The following ROCK1 variants were observed in gnomAD, a reference collection of about 807,000 sequenced individuals.
ROCK1 encodes the protein Rho associated coiled-coil containing protein kinase 1.
In ROCK1, 36 loss-of-function variants were observed where a neutral mutation model predicts 196.8. That is an observed-to-expected ratio of 0.18 (90% confidence interval 0.14 to 0.24). The LOEUF is 0.24. Among genes scored for constraint, ROCK1 ranks in the 10% least tolerant of loss-of-function variants. The pLI, the probability that ROCK1 is intolerant of heterozygous loss-of-function variation, is 1.00. For synonymous variants in ROCK1, 443 were observed against 515.9 expected (o/e 0.86, Z 1.91); for missense variants, 920 against 1,562.0 (o/e 0.59, Z 6.93).
Position 20,992,880 on chromosome 18 carries a change from A to C in ROCK1, c.1943T>G (p.Val648Gly). Residue 648 changes from valine (V) to glycine (G), a missense_variant, in exon 17 of 33, where the codon GTG (valine) becomes GGG (glycine). By Grantham distance (109) the Val-to-Gly change is moderately radical. Around this residue, in one of 6 missense-constraint regions of ROCK1, gnomAD observed 520 missense variants for 657.1 expected, o/e 0.79. Transcript: ENST00000399799. ...VKHLKHNLEK[V>G]EGERKEAQDM... The stretch of plus-strand genomic sequence containing the variant: ...TTGAGCCTCTTTTCTTTCTCCTTCC[A>C]CTTTTTCGAGATTATGTTTGAGATG... The C allele has an allele frequency of 1.9e-6, 3 of 1,612,482 alleles. No homozygotes were observed. The highest frequency in any genetic ancestry group is 2.5e-6 in the Non-Finnish European group (3 of 1,179,100).
intron 12 of ROCK1, among the ~76,000 whole-genome samples, chr18:21,017,087 T>G (rs1327010079): frequency 1.3e-5 from 2 of 152,070 alleles, no homozygotes; most frequent in African/African-American, 2.4e-5. Flanking sequence ...CTGGTTTAGC[T>G]TTCTCTGATC....
intron 19 of ROCK1, among the ~76,000 whole-genome samples, chr18:20,985,852 T>C (rs1242271683): frequency 6.6e-6 from 1 of 152,120 alleles, no homozygotes; most frequent in Non-Finnish European, 1.5e-5. Context: ...ATAGCTCCCA[T>C]GCAAGTTTTA....
Position 20,951,233 on chromosome 18 carries a change from G to A in ROCK1, c.*151C>T. 5.0e-6 allele frequency: 3 copies of A among 596,186 alleles called. No homozygotes were observed. Among genetic ancestry groups the A allele is most frequent in the African/African-American group, 1.9e-5 (1 of 53,594 alleles). 36.9% of individuals were successfully genotyped at this position (596,186 alleles called of 1,614,324 possible). A position where few individuals can be genotyped will look rare whatever the true frequency, so the allele number is the denominator to read the frequency against. On this transcript the variant is annotated 3_prime_UTR_variant, in exon 33 of 33. Transcript: ENST00000399799. ...CAATAAAAAAAACCCTCAGTGTGTT[G>A]TGCCAAAGCAAGGACAGAAAAACAG...
intron 1 of ROCK1, among the ~76,000 whole-genome samples, chr18:21,086,101 T>C (rs1598557910): frequency 7.7e-6 from 1 of 130,192 alleles, no homozygotes. Flanking sequence ...TTAGTAGTAG[T>C]ATGGAAATAA....
At chr18:21,069,312 G>A (rs1383761612) in intron 2 of ROCK1, among the ~76,000 whole-genome samples, 1 of 151,942 alleles carries the variant, frequency 6.6e-6, no homozygotes, top group Non-Finnish European at 1.5e-5. Context: ...CCTTGGTCAT[G>A]ATTTTTACCT....
intron 16 of ROCK1, among the ~76,000 whole-genome samples, chr18:20,995,242 C>G (rs961139010): frequency 6.6e-6 from 1 of 152,130 alleles, no homozygotes; most frequent in African/African-American, 2.4e-5. Flanking sequence ...CTAATTTGAT[C>G]ATTACACATT....
At chr18:21,020,088 G>A (rs1206559989) in intron 12 of ROCK1, 63 bp downstream of exon 12, 1 of 940,502 alleles carries the variant, frequency 1.1e-6, no homozygotes, top group Non-Finnish European at 1.6e-6. Flanking sequence ...CAGGGTATAA[G>A]CTTTCAAGTA....
At chr18:21,071,304 G>T (rs1399418653) in intron 1 of ROCK1, among the ~76,000 whole-genome samples, 6 of 148,876 alleles carry the variant, frequency 4.0e-5, no homozygotes, top group Middle Eastern at 3.2e-3. Context: ...TCAGCCTCTT[G>T]AGTAGCGGGG....
intron 5 of ROCK1, among the ~76,000 whole-genome samples, chr18:21,044,402 A>G (rs1034265305): frequency 1.2e-4 from 19 of 152,130 alleles, no homozygotes; most frequent in African/African-American, 4.6e-4. Flanking sequence ...TCCTTTTTTA[A>G]AAGTTTCATT....
At chr18:20,962,292 C>A (rs546572507) in intron 27 of ROCK1, among the ~76,000 whole-genome samples, 1 of 152,204 alleles carries the variant, frequency 6.6e-6, no homozygotes, top group East Asian at 1.9e-4. Flanking sequence ...GTAGAAATTG[C>A]AGCTCTGGTT....
intron 1 of ROCK1, among the ~76,000 whole-genome samples, chr18:21,078,220 T>C (rs1422178556): frequency 1.3e-5 from 2 of 151,858 alleles, no homozygotes; most frequent in Non-Finnish European, 1.5e-5. Flanking sequence ...TCCCAACCGT[T>C]TGGGGGGCTA....
intron 20 of ROCK1, among the ~76,000 whole-genome samples, chr18:20,983,127 T>C (rs1356543102): frequency 6.6e-6 from 1 of 151,592 alleles, no homozygotes; most frequent in Admixed American, 6.6e-5. Flanking sequence ...ATAAAATTGA[T>C]ACCATATTTT....
At chr18:21,034,480 C>T (rs897234960) in intron 9 of ROCK1, among the ~76,000 whole-genome samples, 1 of 152,092 alleles carries the variant, frequency 6.6e-6, no homozygotes, top group Non-Finnish European at 1.5e-5. Context: ...ACAAAAACCC[C>T]ACAAATAAAC....
chr18:21,001,249 T>C (rs930717755), intron 16 of ROCK1, among the ~76,000 whole-genome samples: 5 of 152,056 alleles, frequency 3.3e-5, no homozygotes, highest in African/African-American at 9.7e-5. Flanking sequence ...AGAAAGGAAA[T>C]TGGTGGTTGC....
At chr18:21,053,480 T>TA (rs990071189) in intron 2 of ROCK1, among the ~76,000 whole-genome samples, 1 of 152,220 alleles carries the variant, frequency 6.6e-6, no homozygotes, top group African/African-American at 2.4e-5. Context: ...TTGCATAATT[T>TA]AAAAAAATGC....
intron 14 of ROCK1, among the ~76,000 whole-genome samples, chr18:21,007,282 CTT>C (rs996121804): frequency 7.9e-5 from 12 of 152,240 alleles, no homozygotes; most frequent in African/African-American, 2.6e-4. Context: ...GACAAGTACT[CTT>C]GTTTTAAACA....
chr18:20,969,928 T>C (rs2035410775), intron 23 of ROCK1: 3 of 154,096 alleles, frequency 1.9e-5, no homozygotes, highest in Admixed American at 1.3e-4. Flanking sequence ...GTATTGGTTT[T>C]CTTATAATGG....
Position 21,045,482 on chromosome 18 carries a change from AAAAC to A in ROCK1, c.415-19_415-16del, listed in dbSNP as rs773497206. 23 of 1,524,060 alleles carry A rather than the reference AAAAC, an allele frequency of 1.5e-5. No individual in the cohort carries two copies. Among genetic ancestry groups the A allele is most frequent in the East Asian group, 2.4e-5 (1 of 42,024 alleles). The allele number at this position is 1,524,060 out of a possible 1,614,324, so 94.4% of individuals were successfully genotyped here. ...GCATAAAAAAGCTATACAAATAGAA[AAAAC>A]AAACAAAACACATTCATTAATGTTA... On this transcript the variant is annotated splice_polypyrimidine_tract_variant and intron_variant, in intron 4 of 32. Transcript: ENST00000399799.
chr18:21,093,340 T>C (rs574167431), intron 1 of ROCK1, among the ~76,000 whole-genome samples: 1 of 152,286 alleles, frequency 6.6e-6, no homozygotes, highest in East Asian at 1.9e-4. Flanking sequence ...ACAGGGCACG[T>C]TGTGAGAGAC....
Sources: allele counts gnomAD v4.1 joint callset (sites outside exome capture counted in the v4.1 genomes callset), GRCh38; gene constraint gnomAD v4.1.1; regional missense constraint gnomAD v4.1.1; transcripts MANE v1.5; gene names NCBI Gene and HGNC (gene_info 2026-07-23, HGNC 2026-07-21).